The following TNNI3K variants were observed in gnomAD, a reference collection of about 807,000 sequenced individuals.
TNNI3K encodes TNNI3 interacting kinase, also known as serine/threonine-protein kinase TNNI3K.
TNNI3K carries 140 observed loss-of-function variants against 114.5 expected under a neutral mutation model. That is an observed-to-expected ratio of 1.22 (90% CI 1.07 to 1.41). The LOEUF is 1.41. TNNI3K is among the 40% of genes most tolerant of loss of function. TNNI3K has a pLI of 0.00. For missense variants in TNNI3K, 1,125 were observed against 1,007.6 expected (o/e 1.12, Z -1.58); for synonymous variants, 347 against 347.5 (o/e 1.00, Z 0.02).
chr1:74,244,470 A>G (rs777179672), intron 2 of TNNI3K, among the ~76,000 whole-genome samples: 3 of 152,062 alleles, frequency 2.0e-5, no homozygotes, highest in Non-Finnish European at 4.4e-5. Flanking sequence ...AATTTTATTT[A>G]TGTAAATGAT....
At position 74,493,149 on chromosome 1, in the gene TNNI3K, A is replaced by T. The variant is rs546244404; in HGVS notation, c.2351+883A>T. The stretch of plus-strand genomic sequence containing the variant: ...TTTGAGGAGGGTCACACTCCAGTCC[A>T]TAGCAATAGGTAAATCTATAAAAAC... On this transcript the variant is annotated intron_variant, in intron 23 of 24. Transcript: ENST00000326637. Among the ~76,000 whole-genome samples the T allele has an allele frequency of 2.6e-5, 4 of 152,326 alleles. No individual in the cohort carries two copies. In the East Asian group the frequency reaches 7.7e-4, roughly 29 times the overall value.
chr1:74,283,751 G>A (rs1657153763), intron 5 of TNNI3K, among the ~76,000 whole-genome samples: 1 of 151,720 alleles, frequency 6.6e-6, no homozygotes, highest in Non-Finnish European at 1.5e-5. Context: ...AACATCCTAG[G>A]TCCTCTATAC....
In TNNI3K at chr1:74,446,039, A is replaced by C. The variant is rs1327506559; in HGVS notation, c.2011+6417A>C. Among the ~76,000 whole-genome samples the C allele has an allele frequency of 1.1e-4, 17 of 152,008 alleles. No homozygotes were observed. In the East Asian group the frequency reaches 2.5e-3, roughly 23 times the overall value. On this transcript the variant is annotated intron_variant, in intron 20 of 24. Transcript: ENST00000326637. ...CTTTATAGCAGCATGATTTATAGTC[A>C]TTTGGGTATATACCCAGTAATGGGA...
chr1:74,400,643 C>T (rs1017396552), intron 17 of TNNI3K, among the ~76,000 whole-genome samples: 5 of 152,320 alleles, frequency 3.3e-5, no homozygotes, highest in South Asian at 2.1e-4. Context: ...CAGCAATTCC[C>T]TCCTTCTCCA....
chr1:74,491,649 A>G (rs1196554443), intron 22 of TNNI3K, among the ~76,000 whole-genome samples: 3 of 152,212 alleles, frequency 2.0e-5, no homozygotes, highest in Non-Finnish European at 2.9e-5. Flanking sequence ...TCGTCTTATA[A>G]AATTGATGTA....
At chr1:74,459,737 T>C (rs1667369242) in intron 20 of TNNI3K, among the ~76,000 whole-genome samples, 1 of 152,218 alleles carries the variant, frequency 6.6e-6, no homozygotes, top group Admixed American at 6.5e-5. Context: ...TTTTCACTGG[T>C]CTATCACTTT....
At chr1:74,451,764 TTTC>T (rs139267382) in intron 20 of TNNI3K, among the ~76,000 whole-genome samples, 8,082 of 37,156 alleles carry the variant, frequency 0.22, 1,500 homozygotes, top group African/African-American at 0.35. Flanking sequence ...TTTCTTTTCT[TTTC>T]TTCTTTTCTT....
intron 7 of TNNI3K, among the ~76,000 whole-genome samples, chr1:74,339,419 T>G (rs547222138): frequency 1.3e-5 from 2 of 152,236 alleles, no homozygotes; most frequent in African/African-American, 4.8e-5. Context: ...GCAGGACTTA[T>G]TATTAGTTAG....
At chr1:74,391,957 A>ATTATTATTTTTTTTTT (rs1369570973) in intron 17 of TNNI3K, among the ~76,000 whole-genome samples, 35 of 92,978 alleles carry the variant, frequency 3.8e-4, no homozygotes, top group Non-Finnish European at 6.6e-4. Context: ...ACAGCTTATT[A>ATTATTATTTTTTTTTT]TTTTTTTTTT....
At chr1:74,528,013 G>T (rs1005034020) in intron 23 of TNNI3K, among the ~76,000 whole-genome samples, 1 of 152,172 alleles carries the variant, frequency 6.6e-6, no homozygotes, top group African/African-American at 2.4e-5. Context: ...GGTAAATAAG[G>T]TAGTCACGTG....
intron 23 of TNNI3K, among the ~76,000 whole-genome samples, chr1:74,533,742 A>G (rs1646623690): frequency 1.3e-5 from 2 of 152,054 alleles, no homozygotes; most frequent in South Asian, 4.2e-4. Flanking sequence ...ATAAAAAATG[A>G]TGAGTTCATG....
At chr1:74,259,217 C>A (rs541586414) in intron 4 of TNNI3K, among the ~76,000 whole-genome samples, 1 of 152,112 alleles carries the variant, frequency 6.6e-6, no homozygotes, top group Non-Finnish European at 1.5e-5. Context: ...CACGATCTTC[C>A]GTCTATAAGC....
intron 5 of TNNI3K, among the ~76,000 whole-genome samples, chr1:74,296,100 C>A (rs1657965831): frequency 6.6e-6 from 1 of 151,952 alleles, no homozygotes; most frequent in African/African-American, 2.4e-5. Flanking sequence ...ACTGTTGAAA[C>A]CCCGGCACTA....
At chr1:74,425,888 A>G (rs970565114) in intron 17 of TNNI3K, among the ~76,000 whole-genome samples, 9 of 152,050 alleles carry the variant, frequency 5.9e-5, no homozygotes, top group Non-Finnish European at 2.9e-5. Context: ...ATCGTGGTTG[A>G]TAACTTCCAT....
intron 17 of TNNI3K, among the ~76,000 whole-genome samples, chr1:74,402,160 G>T (rs966305430): frequency 6.6e-6 from 1 of 152,108 alleles, no homozygotes; most frequent in Admixed American, 6.5e-5. Flanking sequence ...CAAGTGATCT[G>T]ACTTCTTGAA....
At chr1:74,436,194 T>C in intron 18 of TNNI3K, 62 bp downstream of exon 18, 10 of 1,582,398 alleles carry the variant, frequency 6.3e-6, no homozygotes, top group Non-Finnish European at 7.8e-6. Flanking sequence ...ATATGGTGCC[T>C]GATATTGTAC....
chr1:74,451,071 A>G lies in TNNI3K; in HGVS notation c.2011+11449A>G, dbSNP rs543275874. 2.0e-5 allele frequency among the ~76,000 whole-genome samples: 3 copies of G among 152,350 alleles called. No individual in the cohort carries two copies. In the East Asian group the frequency reaches 5.8e-4, roughly 29 times the overall value. On this transcript the variant is annotated intron_variant, in intron 20 of 24. Transcript: ENST00000326637. ...ACACCATGGAATATTATGCTGCCAT[A>G]AAAAGGAATGAGATCATGTCCTTTG... is the stretch of plus-strand genomic sequence containing the variant.
At chr1:74,464,672 T>G (rs747158067) in intron 21 of TNNI3K, 1 of 1,597,266 alleles carries the variant, frequency 6.3e-7, no homozygotes, top group Non-Finnish European at 8.5e-7. Context: ...GTCTCATCTG[T>G]GTACACAGAA....
chr1:74,467,862 A>C (rs931675114), intron 21 of TNNI3K, among the ~76,000 whole-genome samples: 1 of 152,148 alleles, frequency 6.6e-6, no homozygotes, highest in Non-Finnish European at 1.5e-5. Flanking sequence ...GAAACTCCAC[A>C]ATTTAACAAG....
Sources: gnomAD v4.1 joint callset for allele counts (sites outside exome capture counted in the v4.1 genomes callset) on GRCh38, gnomAD v4.1.1 for gene constraint, MANE v1.5 for transcripts, NCBI Gene and HGNC (gene_info 2026-07-23, HGNC 2026-07-21) for gene names.